Variants in TSHZ2 observed in about 807,000 individuals in gnomAD.
The protein encoded by TSHZ2 is teashirt zinc finger homeobox 2.
In TSHZ2, 21 loss-of-function variants were observed where a neutral mutation model predicts 74.4. That is an observed-to-expected ratio of 0.28 (90% CI 0.20 to 0.41). The LOEUF (loss-of-function observed/expected upper bound fraction) is 0.41. TSHZ2 is among the 10% of genes least tolerant of loss of function. TSHZ2 has a pLI of 1.00. For missense variants in TSHZ2, 1,244 were observed against 1,293.5 expected, an observed-to-expected ratio of 0.96 and a Z score of 0.59; for synonymous variants, 540 against 515.3, an observed-to-expected ratio of 1.05 and a Z score of -0.65.
intron 1 of TSHZ2, among the ~76,000 whole-genome samples, chr20:53,029,662 T>G (rs1018197338): frequency 2.0e-5 from 3 of 152,090 alleles, no homozygotes; most frequent in Non-Finnish European, 4.4e-5. Flanking sequence ...AGCAATAGAG[T>G]GAGAATCTGT....
intron 2 of TSHZ2, among the ~76,000 whole-genome samples, chr20:53,282,004 A>C (rs1991070024): frequency 6.6e-6 from 1 of 152,190 alleles, no homozygotes; most frequent in East Asian, 1.9e-4. Flanking sequence ...TTAGAAAGTA[A>C]AACACTCAGA....
intron 1 of TSHZ2, among the ~76,000 whole-genome samples, chr20:52,976,447 C>T (rs1981342363): frequency 6.6e-6 from 1 of 152,228 alleles, no homozygotes; most frequent in South Asian, 2.1e-4. Flanking sequence ...GTATATTTCA[C>T]TCACCATTAA....
chr20:53,319,474 CG>C (rs1298978904), intron 2 of TSHZ2, among the ~76,000 whole-genome samples: 1 of 152,198 alleles, frequency 6.6e-6, no homozygotes, highest in Non-Finnish European at 1.5e-5. Context: ...AGAGTCTGGC[CG>C]TTAACCACTA....
chr20:53,274,772 G>T (rs376362290), intron 2 of TSHZ2, among the ~76,000 whole-genome samples: 16 of 152,090 alleles, frequency 1.1e-4, no homozygotes, highest in African/African-American at 3.9e-4. Context: ...TTCTTTCCTC[G>T]CTAGCGCTCT....
chr20:53,394,129 G>T (rs768282315), intron 2 of TSHZ2, among the ~76,000 whole-genome samples: 21 of 152,296 alleles, frequency 1.4e-4, no homozygotes, highest in Admixed American at 1.2e-3. Flanking sequence ...TGTTTAATGG[G>T]ATTTATATTC....
chr20:53,108,891 T>C (rs1440422606), intron 1 of TSHZ2, among the ~76,000 whole-genome samples: 2 of 150,782 alleles, frequency 1.3e-5, no homozygotes, highest in Non-Finnish European at 1.5e-5. Flanking sequence ...TTCATACCAT[T>C]AATTTCTTTT....
intron 1 of TSHZ2, among the ~76,000 whole-genome samples, chr20:53,031,628 A>G (rs1983642230): frequency 6.6e-6 from 1 of 152,206 alleles, no homozygotes; most frequent in Non-Finnish European, 1.5e-5. Context: ...GGAAAAGTGT[A>G]TAGAGGGTTG....
At chr20:53,436,326 A>G (rs1369527017) in intron 2 of TSHZ2, among the ~76,000 whole-genome samples, 1 of 152,034 alleles carries the variant, frequency 6.6e-6, no homozygotes. Flanking sequence ...ATCTCCAAGA[A>G]ACTACGCTAG....
chr20:53,462,358 A>G (rs1430822030), intron 2 of TSHZ2, among the ~76,000 whole-genome samples: 3 of 152,206 alleles, frequency 2.0e-5, no homozygotes, highest in African/African-American at 4.8e-5. Context: ...TTCTTTAAAG[A>G]TTCTGTGTCC....
intron 2 of TSHZ2, among the ~76,000 whole-genome samples, chr20:53,261,690 A>T (rs893126733): frequency 6.6e-6 from 1 of 152,218 alleles, no homozygotes; most frequent in Non-Finnish European, 1.5e-5. Flanking sequence ...TGGTGCTTTA[A>T]TATAGAGTAA....
At chr20:52,976,767 G>A (rs1296942439) in intron 1 of TSHZ2, among the ~76,000 whole-genome samples, 1 of 152,126 alleles carries the variant, frequency 6.6e-6, no homozygotes, top group Non-Finnish European at 1.5e-5. Context: ...TCTTTTGTGA[G>A]CACATCTTGT....
At chr20:53,426,635 T>C (rs1344519532) in intron 2 of TSHZ2, among the ~76,000 whole-genome samples, 1 of 152,132 alleles carries the variant, frequency 6.6e-6, no homozygotes, top group Non-Finnish European at 1.5e-5. Flanking sequence ...TTTCAGCGCG[T>C]TTTCTGCCCA....
At chr20:53,002,509 G>A (rs1353631436) in intron 1 of TSHZ2, among the ~76,000 whole-genome samples, 1 of 152,034 alleles carries the variant, frequency 6.6e-6, no homozygotes, top group African/African-American at 2.4e-5. Flanking sequence ...GTCATGGTCT[G>A]CCCCAAACCA....
chr20:53,050,319 C>G (rs906145051), intron 1 of TSHZ2, among the ~76,000 whole-genome samples: 2 of 151,742 alleles, frequency 1.3e-5, no homozygotes, highest in African/African-American at 4.9e-5. Context: ...AACCAAAGAG[C>G]AGAGTTAAGT....
At chr20:53,059,508 A>G (rs1984752002) in intron 1 of TSHZ2, among the ~76,000 whole-genome samples, 1 of 152,230 alleles carries the variant, frequency 6.6e-6, no homozygotes, top group African/African-American at 2.4e-5. Flanking sequence ...ATCTGTATCG[A>G]TAACAGAGTC....
chr20:53,101,592 G>A (rs762171396), intron 1 of TSHZ2, among the ~76,000 whole-genome samples: 1 of 152,176 alleles, frequency 6.6e-6, no homozygotes, highest in Non-Finnish European at 1.5e-5. Context: ...AGAAACCACA[G>A]CCCCCACTCC....
intron 2 of TSHZ2, among the ~76,000 whole-genome samples, chr20:53,395,214 G>A (rs139525095): frequency 1.1e-3 from 174 of 152,324 alleles, no homozygotes; most frequent in African/African-American, 4.0e-3. Context: ...AGATTGTCCT[G>A]GAGAAGCAGT....
At chr20:53,293,800 G>A (rs904221042) in intron 2 of TSHZ2, among the ~76,000 whole-genome samples, 1 of 151,682 alleles carries the variant, frequency 6.6e-6, no homozygotes, top group African/African-American at 2.4e-5. Context: ...GGCAGATCAC[G>A]AGGTCAGGAG....
chr20:53,378,688 A>C (rs1265463943), intron 2 of TSHZ2, among the ~76,000 whole-genome samples: 1 of 152,224 alleles, frequency 6.6e-6, no homozygotes, highest in Non-Finnish European at 1.5e-5. Flanking sequence ...AGGATAGCTA[A>C]TGAATACTTT....
Sources: allele counts gnomAD v4.1 joint callset (sites outside exome capture counted in the v4.1 genomes callset), GRCh38; gene constraint gnomAD v4.1.1; transcripts MANE v1.5; gene names NCBI Gene and HGNC (gene_info 2026-07-23, HGNC 2026-07-21).